The following CLVS1 variants were observed in gnomAD, a reference collection of about 807,000 sequenced individuals.
CLVS1 encodes clavesin 1, also known as clavesin-1.
A neutral mutation model predicts 33.1 loss-of-function variants in CLVS1; 10 were observed. That is an observed-to-expected ratio of 0.30 (90% CI 0.19 to 0.51). The LOEUF (loss-of-function observed/expected upper bound fraction) is 0.51. CLVS1 is among the 20% of genes least tolerant of loss of function. CLVS1 has a pLI of 0.97. For synonymous variants in CLVS1, 163 were observed against 166.1 expected (o/e 0.98, Z 0.14); for missense variants, 343 against 433.4 (o/e 0.79, Z 1.85).
chr8:61,290,235 G>A (rs1809936880), intron 1 of CLVS1, among the ~76,000 whole-genome samples: 1 of 152,168 alleles, frequency 6.6e-6, no homozygotes, highest in Admixed American at 6.5e-5. Context: ...CTGCTTCAGT[G>A]AGATTTACAG....
intron 2 of CLVS1, among the ~76,000 whole-genome samples, chr8:61,282,041 C>T (rs1432311357): frequency 6.6e-6 from 1 of 152,170 alleles, no homozygotes; most frequent in Non-Finnish European, 1.5e-5. Flanking sequence ...TCACCCTAGC[C>T]ACAACTAATT....
intron 4 of CLVS1, among the ~76,000 whole-genome samples, chr8:61,455,683 T>C (rs1009954420): frequency 9.2e-5 from 14 of 152,250 alleles, no homozygotes; most frequent in Non-Finnish European, 1.9e-4. Context: ...AGCTACCTCC[T>C]GGGTCAGGAA....
chr8:61,333,628 G>A (rs1273665942), intron 2 of CLVS1, among the ~76,000 whole-genome samples: 1 of 152,152 alleles, frequency 6.6e-6, no homozygotes, highest in East Asian at 1.9e-4. Flanking sequence ...TAGAGGACAG[G>A]AAATGTCGCA....
chr8:60,985,753 T>C, the CLVS1 span, among the ~76,000 whole-genome samples: 4 of 151,626 alleles, frequency 2.6e-5, no homozygotes, highest in African/African-American at 4.8e-5. Context: ...TATTTTACTT[T>C]CAGGTTTTTG....
At chr8:61,324,238 T>G (rs1367153813) in intron 2 of CLVS1, among the ~76,000 whole-genome samples, 1 of 152,144 alleles carries the variant, frequency 6.6e-6, no homozygotes, top group Non-Finnish European at 1.5e-5. Context: ...AGGGACCTGG[T>G]GGGAGATAAT....
At chr8:61,278,973 C>A (rs1039177409) in intron 2 of CLVS1, among the ~76,000 whole-genome samples, 1 of 152,212 alleles carries the variant, frequency 6.6e-6, no homozygotes, top group Non-Finnish European at 1.5e-5. Context: ...AGGCTGGCAC[C>A]ACCTGCATAG....
chr8:61,311,236 G>A (rs1419392536), intron 2 of CLVS1, among the ~76,000 whole-genome samples: 4 of 152,134 alleles, frequency 2.6e-5, no homozygotes, highest in South Asian at 2.1e-4. Flanking sequence ...CCTTGATTCC[G>A]GCTTCCTCGA....
intron 2 of CLVS1, among the ~76,000 whole-genome samples, chr8:61,260,613 A>C (rs1183814225): frequency 6.6e-6 from 1 of 152,120 alleles, no homozygotes; most frequent in Non-Finnish European, 1.5e-5. Flanking sequence ...GGCATCTGGG[A>C]GGGGCATCTG....
intron 5 of CLVS1, among the ~76,000 whole-genome samples, chr8:61,459,431 G>T (rs1433927681): frequency 6.6e-6 from 1 of 152,088 alleles, no homozygotes; most frequent in African/African-American, 2.4e-5. Flanking sequence ...TGATTTGTGA[G>T]ATCCTGGTGC....
At chr8:61,212,216 T>G (rs191151939) in intron 2 of CLVS1, among the ~76,000 whole-genome samples, 1 of 152,336 alleles carries the variant, frequency 6.6e-6, no homozygotes, top group Admixed American at 6.5e-5. Flanking sequence ...CCACCAGGGC[T>G]GCAGCGTCTG....
At chr8:61,313,984 C>G (rs1042875073) in intron 2 of CLVS1, among the ~76,000 whole-genome samples, 1 of 152,160 alleles carries the variant, frequency 6.6e-6, no homozygotes, top group African/African-American at 2.4e-5. Context: ...GTGCCAACTT[C>G]CTCTTCTGAT....
rs117828386 is a variant in CLVS1 at position 61,225,752 on chromosome 8, A to C, written c.-151-73925A>C. On this transcript the variant is annotated intron_variant, in intron 2 of 2. Coordinates refer to the CLVS1 transcript ENST00000522621. Reference sequence around the variant, plus strand: ...AGCATGTGTATTTCAGGCAATTTGCACAATGTACAATGGTCTGAGCCACTT... The same window carrying C: ...AGCATGTGTATTTCAGGCAATTTGCCCAATGTACAATGGTCTGAGCCACTT... Among the ~76,000 whole-genome samples the C allele has an allele frequency of 5.2e-4, 79 of 152,372 alleles. 1 individual carries two copies. The East Asian group carries it at 0.013, about 26-fold the overall frequency.
chr8:60,978,057 A>G, the CLVS1 span, among the ~76,000 whole-genome samples: 1 of 152,246 alleles, frequency 6.6e-6, no homozygotes, highest in African/African-American at 2.4e-5. Flanking sequence ...TAGCAAAACT[A>G]TCTTTTAAGA....
At chr8:61,332,892 G>C (rs1486703644) in intron 2 of CLVS1, among the ~76,000 whole-genome samples, 2 of 152,138 alleles carry the variant, frequency 1.3e-5, no homozygotes, top group Non-Finnish European at 2.9e-5. Context: ...GCCTTGGCCT[G>C]CCAAAGTGCT....
At chr8:61,038,438 T>TATATATATATATATATATGAC in the CLVS1 span, among the ~76,000 whole-genome samples, 1 of 72,888 alleles carries the variant, frequency 1.4e-5, no homozygotes, top group Non-Finnish European at 2.6e-5. Flanking sequence ...CTGTCGTTTG[T>TATATATATATATATATATGAC]ATATATATAT....
chr8:61,410,740 C>G (rs1815188947), intron 3 of CLVS1, among the ~76,000 whole-genome samples: 1 of 152,148 alleles, frequency 6.6e-6, no homozygotes, highest in Non-Finnish European at 1.5e-5. Flanking sequence ...CTCCTGGGTT[C>G]AAGCAATTCT....
At chr8:61,289,807 CTT>C (rs1809919819) in intron 1 of CLVS1, among the ~76,000 whole-genome samples, 1 of 152,196 alleles carries the variant, frequency 6.6e-6, no homozygotes, top group Non-Finnish European at 1.5e-5. Flanking sequence ...ACTTAAGTCT[CTT>C]TGAGAATGAG....
intron 2 of CLVS1, among the ~76,000 whole-genome samples, chr8:61,232,519 C>T (rs2129312363): frequency 6.6e-6 from 1 of 152,264 alleles, no homozygotes; most frequent in South Asian, 2.1e-4. Flanking sequence ...CTCCCCAAAT[C>T]TCCAAACTAG....
chr8:61,458,729 T>C (rs1227299498), intron 5 of CLVS1, 187 bp downstream of exon 5: 1 of 520,140 alleles, frequency 1.9e-6, no homozygotes, highest in Non-Finnish European at 3.4e-6. Flanking sequence ...CCCAGCACTA[T>C]AGTTGTCCCC....
Sources: gnomAD v4.1 joint callset for allele counts (sites outside exome capture counted in the v4.1 genomes callset) on GRCh38, gnomAD v4.1.1 for gene constraint, MANE v1.5 for transcripts, NCBI Gene and HGNC (gene_info 2026-07-23, HGNC 2026-07-21) for gene names.